The following MAN2B2 variants were observed in gnomAD, a reference collection of about 807,000 sequenced individuals.
MAN2B2 encodes the protein mannosidase alpha class 2B member 2, also known as epididymis-specific alpha-mannosidase.
A neutral mutation model predicts 117.1 loss-of-function variants in MAN2B2; 106 were observed. The ratio of observed to expected loss-of-function variants is 0.90; its 90% CI spans 0.77 to 1.06. The LOEUF (loss-of-function observed/expected upper bound fraction) is 1.06, where lower values mean the gene tolerates loss of function less well. MAN2B2 is among the 50% of genes least tolerant of loss of function. The pLI is 0.00. For missense variants in MAN2B2, 1,326 were observed against 1,381.4 expected (o/e 0.96, Z 0.64); for synonymous variants, 544 against 595.1 (o/e 0.91, Z 1.25).
intron 7 of MAN2B2, among the ~76,000 whole-genome samples, chr4:6,595,777 C>T (rs1727053330): frequency 6.6e-6 from 1 of 152,232 alleles, no homozygotes; most frequent in Non-Finnish European, 1.5e-5. Context: ...CACAGATGAA[C>T]TCCAGCTGCA....
chr4:6,622,274 G>T lies in MAN2B2; in HGVS notation c.*989G>T, dbSNP rs1440299625. On this transcript the variant is annotated 3_prime_UTR_variant, in exon 19 of 19. Transcript: ENST00000285599. ...ACATTGGTGGTTGCCAGGTACTGGA[G>T]GAAGAGAGAAGAGGCATGACAGCTA... 1 of 152,210 alleles carries T rather than the reference G, an allele frequency of 6.6e-6. No homozygotes were observed. Among genetic ancestry groups the T allele is most frequent in the Non-Finnish European group, 1.5e-5 (1 of 68,042 alleles). 9.4% of individuals were successfully genotyped at this position (152,210 alleles called of 1,614,324 possible). A position where few individuals can be genotyped will look rare whatever the true frequency, so the allele number is the denominator to read the frequency against.
intron 4 of MAN2B2, among the ~76,000 whole-genome samples, chr4:6,588,669 C>T (rs758743504): frequency 2.0e-5 from 3 of 151,884 alleles, no homozygotes; most frequent in East Asian, 1.9e-4. Context: ...GAGCTGAGAT[C>T]GTGACACTGC....
chr4:6,605,393 C>T (rs1167413800), intron 11 of MAN2B2, 64 bp downstream of exon 11: 2 of 1,531,250 alleles, frequency 1.3e-6, no homozygotes, highest in South Asian at 1.3e-5. Flanking sequence ...ATGTCAGGCC[C>T]CTACCTGGAT....
intron 1 of MAN2B2, among the ~76,000 whole-genome samples, chr4:6,575,879 T>A (rs1329904021): frequency 6.6e-6 from 1 of 152,158 alleles, no homozygotes; most frequent in African/African-American, 2.4e-5. Context: ...AGGGGAAGCA[T>A]GCCCACTACA....
intron 16 of MAN2B2, 60 bp from the exon 17 acceptor site, chr4:6,617,320 C>G (rs1577298082): frequency 1.5e-6 from 2 of 1,300,884 alleles, no homozygotes; most frequent in Non-Finnish European, 2.2e-6. Flanking sequence ...GGGTATAGAC[C>G]AGGGACATTG....
chr4:6,616,095 C>T (rs555941846), intron 16 of MAN2B2, among the ~76,000 whole-genome samples: 1 of 152,314 alleles, frequency 6.6e-6, no homozygotes, highest in African/African-American at 2.4e-5. Flanking sequence ...TGAGCCACCA[C>T]ACCCTGCCAA....
rs532180630 is a variant in MAN2B2, at chr4:6,609,133, C to T, written c.1841C>T (p.Thr614Ile). Residue 614 changes from threonine (T) to isoleucine (I), a missense_variant, in exon 12 of 19, where the codon ACC becomes ATC. Transcript: ENST00000285599. ...ERQSNRTVRV[T>I]QEFLEYHVNG... ...CAGAGTAACCGAACGGTGCGCGTGACCCAGGAATTCCTGGAGTACCACGTC... is the reference window on the plus strand; with the variant it reads ...CAGAGTAACCGAACGGTGCGCGTGATCCAGGAATTCCTGGAGTACCACGTC... 31 of 1,613,978 alleles carry T rather than the reference C, an allele frequency of 1.9e-5. No homozygotes were observed. The highest frequency in any genetic ancestry group is 2.5e-5 in the Non-Finnish European group (29 of 1,179,982).
intron 3 of MAN2B2, among the ~76,000 whole-genome samples, chr4:6,579,123 C>G (rs1256881232): frequency 1.5e-4 from 6 of 40,026 alleles, no homozygotes; most frequent in South Asian, 1.1e-3. Context: ...ACCATCACCA[C>G]TACCACCACC....
rs377048827 is a variant in MAN2B2 at position 6,576,588 on chromosome 4, G to A, written c.149G>A (p.Arg50Gln). Residue 50 changes from arginine to glutamine, a missense_variant, in exon 2 of 19, where the codon CGG becomes CAG. Coordinates refer to ENST00000285599, the MANE Select transcript of MAN2B2 (RefSeq NM_015274.3). Reference protein sequence around the residue: ...GWVYTVQESMRAYAANVYTSV... With the variant: ...GWVYTVQESMQAYAANVYTSV... Reference sequence around the variant, plus strand: ...CTGTCCCCTCCCCAGGAAAGCATGCGGGCGTACGCCGCCAATGTCTACACC... The same window carrying A: ...CTGTCCCCTCCCCAGGAAAGCATGCAGGCGTACGCCGCCAATGTCTACACC... 5.5e-5 allele frequency: 88 copies of A among 1,612,544 alleles called. No homozygotes were observed. The highest frequency in any genetic ancestry group is 3.5e-4 in the African/African-American group (26 of 75,028).
At chr4:6,583,588 A>C (rs1389118534) in intron 3 of MAN2B2, among the ~76,000 whole-genome samples, 1 of 152,226 alleles carries the variant, frequency 6.6e-6, no homozygotes, top group African/African-American at 2.4e-5. Context: ...GCTAATCCGT[A>C]CGGGTCTGCA....
intron 3 of MAN2B2, among the ~76,000 whole-genome samples, chr4:6,579,262 C>CCACCACCATCACCACCACCAT (rs1726286391): frequency 2.2e-5 from 2 of 89,434 alleles, no homozygotes; most frequent in Non-Finnish European, 5.0e-5. Flanking sequence ...ACCATCACCA[C>CCACCACCATCACCACCACCAT]CACCACCATC....
At chr4:6,612,026 C>T (rs1012974359) in intron 15 of MAN2B2, among the ~76,000 whole-genome samples, 7 of 152,220 alleles carry the variant, frequency 4.6e-5, no homozygotes, top group Non-Finnish European at 1.0e-4. Context: ...GACCTAGATA[C>T]AATTTGCTGC....
intron 3 of MAN2B2, among the ~76,000 whole-genome samples, chr4:6,583,508 T>C (rs1158218380): frequency 6.6e-6 from 1 of 152,238 alleles, no homozygotes; most frequent in Non-Finnish European, 1.5e-5. Context: ...GTCTCAGGAA[T>C]GCTTTCTGCT....
chr4:6,601,155 G>C (rs1727314208), intron 10 of MAN2B2, among the ~76,000 whole-genome samples: 1 of 152,286 alleles, frequency 6.6e-6, no homozygotes, highest in Middle Eastern at 3.4e-3. Context: ...TAATTCATTA[G>C]AACAGCTCAC....
intron 7 of MAN2B2, 128 bp downstream of exon 7, chr4:6,594,860 G>A: frequency 1.0e-6 from 1 of 982,920 alleles, no homozygotes; most frequent in South Asian, 1.5e-5. Flanking sequence ...GGCAGGTTCT[G>A]TGTGGGGCGC....
At chr4:6,610,132 G>T (rs1231580916) in intron 13 of MAN2B2, 82 bp downstream of exon 13, 9 of 1,539,202 alleles carry the variant, frequency 5.8e-6, no homozygotes, top group Admixed American at 1.9e-5. Flanking sequence ...AGCAGTAGAG[G>T]CCAGTAGAGG....
At chr4:6,605,629 C>G (rs1226781181) in intron 11 of MAN2B2, among the ~76,000 whole-genome samples, 1 of 152,088 alleles carries the variant, frequency 6.6e-6, no homozygotes, top group Non-Finnish European at 1.5e-5. Context: ...AACATAAAAT[C>G]TCTATTCAGT....
At chr4:6,620,163 G>T in intron 18 of MAN2B2, 119 bp downstream of exon 18, 1 of 808,684 alleles carries the variant, frequency 1.2e-6, no homozygotes, top group Non-Finnish European at 1.9e-6. Flanking sequence ...TTGCGAGGCT[G>T]CTTTCCTACT....
intron 15 of MAN2B2, among the ~76,000 whole-genome samples, chr4:6,611,767 C>G (rs758352314): frequency 6.6e-6 from 1 of 152,188 alleles, no homozygotes; most frequent in Admixed American, 6.5e-5. Context: ...GCACCCCAGC[C>G]TGGGTGGCAA....
Sources: gnomAD v4.1 joint callset for allele counts (sites outside exome capture counted in the v4.1 genomes callset) on GRCh38, gnomAD v4.1.1 for gene constraint, MANE v1.5 for transcripts, NCBI Gene and HGNC (gene_info 2026-07-23, HGNC 2026-07-21) for gene names.